The following PPARGC1A variants were observed in gnomAD, a reference collection of about 807,000 sequenced individuals.
PPARGC1A encodes PPARG coactivator 1 alpha.
A neutral mutation model predicts 88.7 loss-of-function variants in PPARGC1A; 25 were observed. The observed-to-expected ratio is 0.28, with a 90% CI of 0.21 to 0.39. The LOEUF (loss-of-function observed/expected upper bound fraction) is 0.39, where lower values mean the gene tolerates loss of function less well. Among genes scored for constraint, PPARGC1A ranks in the 10% least tolerant of loss-of-function variants. PPARGC1A has a pLI of 1.00. For synonymous variants in PPARGC1A, 363 were observed against 355.6 expected (o/e 1.02, Z -0.24); for missense variants, 880 against 968.7 (o/e 0.91, Z 1.22).
chr4:24,454,651 T>A, the PPARGC1A span, among the ~76,000 whole-genome samples: 1 of 151,710 alleles, frequency 6.6e-6, no homozygotes, highest in African/African-American at 2.4e-5. Flanking sequence ...GGTGAGAGGA[T>A]CACTTGAACC....
At chr4:24,321,135 G>A in the PPARGC1A span, among the ~76,000 whole-genome samples, 1 of 152,182 alleles carries the variant, frequency 6.6e-6, no homozygotes, top group African/African-American at 2.4e-5. Context: ...TTCCAAAATA[G>A]AGGTGCCCTT....
At chr4:23,954,898 T>C in the PPARGC1A span, among the ~76,000 whole-genome samples, 4 of 152,138 alleles carry the variant, frequency 2.6e-5, no homozygotes, top group Admixed American at 2.0e-4. Context: ...AACCAGGAAA[T>C]AGCAACACGT....
At chr4:23,943,378 A>C in the PPARGC1A span, among the ~76,000 whole-genome samples, 143 of 89,964 alleles carry the variant, frequency 1.6e-3, 1 homozygote, top group East Asian at 0.014. Context: ...ATAAATTAAA[A>C]GGTTTTTTTT....
the PPARGC1A span, among the ~76,000 whole-genome samples, chr4:24,447,676 C>G: frequency 1.3e-5 from 2 of 152,194 alleles, no homozygotes; most frequent in South Asian, 4.1e-4. Context: ...TGAACAAAAG[C>G]AAAGGACAGG....
the PPARGC1A span, among the ~76,000 whole-genome samples, chr4:24,324,611 C>T: frequency 2.6e-5 from 4 of 152,158 alleles, no homozygotes; most frequent in African/African-American, 9.7e-5. Context: ...CGCTTGACCC[C>T]AATACAAACT....
At chr4:24,298,612 G>A in the PPARGC1A span, among the ~76,000 whole-genome samples, 203 of 152,162 alleles carry the variant, frequency 1.3e-3, 1 homozygote, top group Middle Eastern at 0.01. Flanking sequence ...TAACAGGTTC[G>A]TTCATTTCAA....
chr4:24,341,968 T>G, the PPARGC1A span, among the ~76,000 whole-genome samples: 1 of 152,202 alleles, frequency 6.6e-6, no homozygotes, highest in Non-Finnish European at 1.5e-5. Context: ...AGGAGCCAGA[T>G]CATGGAGGGT....
At chr4:24,213,169 T>C in the PPARGC1A span, among the ~76,000 whole-genome samples, 1 of 143,772 alleles carries the variant, frequency 7.0e-6, no homozygotes, top group Admixed American at 6.9e-5. Flanking sequence ...ATTTTCCTTT[T>C]TTTTTTTTTT....
the PPARGC1A span, among the ~76,000 whole-genome samples, chr4:23,989,247 G>A: frequency 1.4e-4 from 21 of 151,958 alleles, 1 homozygote; most frequent in East Asian, 1.5e-3. Context: ...TCAATCCTCG[G>A]TTAACAAGAG....
At chr4:24,008,712 A>T in the PPARGC1A span, among the ~76,000 whole-genome samples, 1 of 152,142 alleles carries the variant, frequency 6.6e-6, no homozygotes, top group African/African-American at 2.4e-5. Context: ...TATAAAAAAA[A>T]AAAACAGTCT....
chr4:24,134,422 G>A, the PPARGC1A span, among the ~76,000 whole-genome samples: 4 of 152,092 alleles, frequency 2.6e-5, no homozygotes, highest in South Asian at 2.1e-4. Context: ...ATGCTTAAAC[G>A]CTTCATTTTG....
At chr4:23,796,470 A>C (rs142294959) in intron 12 of PPARGC1A, among the ~76,000 whole-genome samples, 3 of 152,088 alleles carry the variant, frequency 2.0e-5, no homozygotes, top group African/African-American at 7.2e-5. Context: ...ATTCTCCCCA[A>C]ATTGGAAGGT....
At chr4:24,367,987 A>G in the PPARGC1A span, among the ~76,000 whole-genome samples, 25 of 152,196 alleles carry the variant, frequency 1.6e-4, no homozygotes, top group Admixed American at 9.8e-4. Context: ...CCCTTTATCT[A>G]TACACTAACC....
the PPARGC1A span, among the ~76,000 whole-genome samples, chr4:24,435,939 A>C: frequency 5.9e-5 from 9 of 152,180 alleles, no homozygotes; most frequent in African/African-American, 1.2e-4. Flanking sequence ...CTGTTAAAAA[A>C]ATAACTGTGA....
At chr4:24,429,447 G>C in the PPARGC1A span, among the ~76,000 whole-genome samples, 1 of 152,128 alleles carries the variant, frequency 6.6e-6, no homozygotes, top group East Asian at 1.9e-4. Context: ...ATTACAAAAA[G>C]GCCAGTGTTC....
chr4:24,331,686 G>A, the PPARGC1A span, among the ~76,000 whole-genome samples: 7 of 152,052 alleles, frequency 4.6e-5, no homozygotes, highest in East Asian at 1.4e-3. Flanking sequence ...CATGTCAGTT[G>A]CATCTTCAGC....
intron 7 of PPARGC1A, among the ~76,000 whole-genome samples, chr4:23,817,752 G>A (rs779178213): frequency 9.2e-5 from 14 of 151,986 alleles, no homozygotes; most frequent in Admixed American, 4.6e-4. Flanking sequence ...ATCTCTAACC[G>A]GAGAATATCT....
upstream of PPARGC1A, chr4:23,890,196 T>C: frequency 1.5e-6 from 1 of 685,730 alleles, no homozygotes; most frequent in South Asian, 7.4e-5. Flanking sequence ...GGCAGCCCTC[T>C]GCTTCAGTGA....
the PPARGC1A span, among the ~76,000 whole-genome samples, chr4:24,387,826 GAGAA>G: frequency 2.8e-4 from 15 of 53,104 alleles, 1 homozygote; most frequent in East Asian, 1.6e-3. Flanking sequence ...GAAAGAAAGA[GAGAA>G]AGAGAGAAAG....
Sources: gnomAD v4.1 joint callset for allele counts (sites outside exome capture counted in the v4.1 genomes callset) on GRCh38, gnomAD v4.1.1 for gene constraint, MANE v1.5 for transcripts, NCBI Gene and HGNC (gene_info 2026-07-23, HGNC 2026-07-21) for gene names.